Variants in HELLS observed in about 807,000 individuals in gnomAD.
HELLS encodes helicase, lymphoid specific, also known as lymphoid-specific helicase.
Under a neutral mutation model 120.0 loss-of-function variants are expected in HELLS, and 32 were observed. The ratio of observed to expected loss-of-function variants is 0.27; its 90% CI spans 0.20 to 0.36. The LOEUF (loss-of-function observed/expected upper bound fraction) is 0.36. Ranked by LOEUF, HELLS falls within the 10% of genes least tolerant of loss-of-function variation. HELLS has a pLI of 1.00. For synonymous variants in HELLS, 341 were observed against 323.4 expected, an observed-to-expected ratio of 1.05 and a Z score of -0.58; for missense variants, 650 against 993.4, an observed-to-expected ratio of 0.65 and a Z score of 4.65.
intron 2 of HELLS, among the ~76,000 whole-genome samples, chr10:94,550,218 C>G (rs1842917548): frequency 6.6e-6 from 1 of 152,026 alleles, no homozygotes; most frequent in African/African-American, 2.4e-5. Context: ...CCATGCCCAG[C>G]TGATTTTTTT....
intron 12 of HELLS, among the ~76,000 whole-genome samples, chr10:94,583,833 C>T (rs974427711): frequency 6.6e-6 from 1 of 152,048 alleles, no homozygotes; most frequent in African/African-American, 2.4e-5. Flanking sequence ...AGATTTAAAT[C>T]AGTTTTTAAT....
intron 10 of HELLS, chr10:94,577,051 G>A (rs1844525854): frequency 1.7e-6 from 1 of 587,070 alleles, no homozygotes; most frequent in Non-Finnish European, 3.1e-6. Context: ...GAATCATCCA[G>A]AAATAGACCT....
chr10:94,608,680 G>A (rs1027886899), intron 9 of HELLS, among the ~76,000 whole-genome samples: 1 of 151,206 alleles, frequency 6.6e-6, no homozygotes, highest in Non-Finnish European at 1.5e-5. Flanking sequence ...AGGCAGTAGC[G>A]TGATTATAAT....
At chr10:94,576,851 T>A in intron 10 of HELLS, 46 bp downstream of exon 10, 1 of 1,492,102 alleles carries the variant, frequency 6.7e-7, no homozygotes, top group Non-Finnish European at 9.1e-7. Flanking sequence ...TAAAACATGC[T>A]TTTCTTCATT....
intron 7 of HELLS, among the ~76,000 whole-genome samples, chr10:94,573,269 T>C (rs1844268784): frequency 1.3e-5 from 2 of 152,220 alleles, no homozygotes; most frequent in Admixed American, 1.3e-4. Flanking sequence ...GTATGTTTTC[T>C]TTTGTAAAGT....
At position 94,585,406 on chromosome 10, in the gene HELLS, G is replaced by GT. The variant is rs1383880733; in HGVS notation, c.1326+2359dup. Among the ~76,000 whole-genome samples the GT allele has an allele frequency of 8.3e-3, 960 of 115,680 alleles. 4 individuals are homozygous for GT. Among genetic ancestry groups the GT allele is most frequent in the African/African-American group, 0.011 (344 of 31,812 alleles). The allele number at this position is 115,680 out of a possible 152,430, so 75.9% of individuals were successfully genotyped here. ...TTTTGTTTTTTTTTTTGTTTTTTTG[G>GT]TTTTTTTTTTTTGAGACAGAGTCTC... On this transcript the variant is annotated intron_variant, in intron 12 of 21. Transcript: ENST00000348459.
intron 10 of HELLS, among the ~76,000 whole-genome samples, chr10:94,578,175 A>G (rs1010318987): frequency 1.3e-5 from 2 of 151,510 alleles, no homozygotes; most frequent in Non-Finnish European, 2.9e-5. Context: ...TGGAGGTTGC[A>G]GTGAGCTGTG....
intron 6 of HELLS, among the ~76,000 whole-genome samples, chr10:94,566,940 CCACCATGCCTGGT>C (rs1318283844): frequency 2.0e-5 from 3 of 152,138 alleles, no homozygotes; most frequent in Non-Finnish European, 2.9e-5. Flanking sequence ...CAGGTGTGAG[CCACCATGCCTGGT>C]CCCATACCAG....
chr10:94,557,310 GA>G, intron 3 of HELLS: 1 of 216,890 alleles, frequency 4.6e-6, no homozygotes, highest in Non-Finnish European at 9.8e-6. Flanking sequence ...TCCTTTGTTT[GA>G]AACCCTTTTA....
chr10:94,581,582 ACTTT>A, intron 11 of HELLS, 60 bp downstream of exon 11: 1 of 1,223,094 alleles, frequency 8.2e-7, no homozygotes, highest in Non-Finnish European at 1.1e-6. Context: ...AGTTAAAATT[ACTTT>A]CTTTTCAGTG....
At chr10:94,549,701 G>T (rs905281488) in intron 2 of HELLS, among the ~76,000 whole-genome samples, 1 of 152,162 alleles carries the variant, frequency 6.6e-6, no homozygotes, top group Non-Finnish European at 1.5e-5. Flanking sequence ...TAGTTACCCA[G>T]AGTTGTTTCC....
chr10:94,568,845 C>T (rs942328906), intron 6 of HELLS, among the ~76,000 whole-genome samples: 2 of 146,934 alleles, frequency 1.4e-5, no homozygotes, highest in African/African-American at 5.0e-5. Context: ...ACCTTTATCA[C>T]TTTTTTTTTT....
intron 17 of HELLS, among the ~76,000 whole-genome samples, 196 bp from the exon 18 acceptor site, chr10:94,593,303 T>G (rs933045126): frequency 2.0e-5 from 3 of 152,212 alleles, no homozygotes; most frequent in African/African-American, 7.2e-5. Context: ...AAAATTAAGA[T>G]CTCTTTAATA....
chr10:94,559,858 A>G (rs1464788804), intron 4 of HELLS, among the ~76,000 whole-genome samples: 4 of 152,228 alleles, frequency 2.6e-5, no homozygotes, highest in Admixed American at 1.3e-4. Context: ...AACCAGAGTC[A>G]GAGACCCAAG....
intron 4 of HELLS, 152 bp downstream of exon 4, chr10:94,558,347 C>A: frequency 2.1e-6 from 2 of 938,528 alleles, no homozygotes; most frequent in African/African-American, 1.7e-5. Flanking sequence ...CATGTAAAAT[C>A]TGTTCCTCAC....
chr10:94,573,800 G>A (rs34617130), intron 7 of HELLS, among the ~76,000 whole-genome samples, 160 bp from the exon 8 acceptor site: 4,236 of 151,860 alleles, frequency 0.028, 94 homozygotes, highest in South Asian at 0.044. Context: ...TTTGTAGAGG[G>A]ATGGCGATGT....
intron 9 of HELLS, 52 bp from the exon 10 acceptor site, chr10:94,576,610 A>G (rs1844497708): frequency 2.0e-6 from 2 of 981,270 alleles, no homozygotes; most frequent in Non-Finnish European, 2.9e-6. Context: ...TAAATAGTCA[A>G]TATTTACATT....
chr10:94,596,978 G>T lies in HELLS; in HGVS notation c.2345+22G>T, dbSNP rs751179646. 2.7e-6 allele frequency: 4 copies of T among 1,462,178 alleles called. No individual in the cohort carries two copies. The South Asian group carries it at 4.7e-5, about 17-fold the overall frequency. The allele number at this position is 1,462,178 out of a possible 1,614,324, so 90.6% of individuals were successfully genotyped here. ...AAAGGTGAGTTTTTAATTTTAGAAA[G>T]ATTTAATTTGTAGCTTTGAATTATT... On this transcript the variant is annotated intron_variant, in intron 20 of 21. Coordinates refer to ENST00000348459, the MANE Select transcript of HELLS (RefSeq NM_018063.5).
Position 94,588,298 on chromosome 10 carries a change from G to A in HELLS, c.1396G>A (p.Val466Ile), listed in dbSNP as rs779583208. 6.8e-6 allele frequency: 11 copies of A among 1,608,180 alleles called. No homozygotes were observed. The highest frequency in any genetic ancestry group is 9.4e-6 in the Non-Finnish European group (11 of 1,174,806). Reference protein sequence around the residue: ...VALEVPPKREVVVYAPLSKKQ... With the variant: ...VALEVPPKREIVVYAPLSKKQ... ...TCTTGAAGTTCCTCCTAAACGAGAA[G>A]TAGTCGTTTATGCTCCACTTTCAAA... Residue 466 changes from valine (V) to isoleucine (I), a missense_variant, in exon 13 of 22, where the codon GTA (valine) becomes ATA (isoleucine). By Grantham distance (29) the Val-to-Ile change is conservative. Around this residue, in one of 9 missense-constraint regions of HELLS, gnomAD observed 191 missense variants for 259.7 expected, o/e 0.74. Transcript: ENST00000348459.
Sources: allele counts gnomAD v4.1 joint callset (sites outside exome capture counted in the v4.1 genomes callset), GRCh38; gene constraint gnomAD v4.1.1; regional missense constraint gnomAD v4.1.1; transcripts MANE v1.5; gene names NCBI Gene and HGNC (gene_info 2026-07-23, HGNC 2026-07-21).